The following PALMD variants were observed in gnomAD, a reference collection of about 807,000 sequenced individuals.
PALMD encodes the protein paralemmin-like protein.
Under a neutral mutation model 56.2 loss-of-function variants are expected in PALMD, and 42 were observed. The observed-to-expected ratio is 0.75, with a 90% CI of 0.58 to 0.97. The LOEUF is 0.97. Among genes scored for constraint, PALMD ranks in the 50% least tolerant of loss-of-function variants. The pLI, the probability that PALMD is intolerant of heterozygous loss-of-function variation, is 0.00. For synonymous variants in PALMD, 242 were observed against 222.9 expected (o/e 1.09, Z -0.76); for missense variants, 660 against 643.8 (o/e 1.03, Z -0.27).
In PALMD at chr1:99,694,301, AT is replaced by A. The variant is rs1387008771; in HGVS notation, c.*245del. ...CACGATTCAGTGGGGGAAAACCAGC[AT>A]TTTTTATTCTATTGATACCAAAGCA... On this transcript the variant is annotated 3_prime_UTR_variant, in exon 8 of 8. Coordinates refer to ENST00000263174, the MANE Select transcript of PALMD (RefSeq NM_017734.5). The A allele has an allele frequency of 8.0e-6, 3 of 376,902 alleles. No individual in the cohort carries two copies. Among genetic ancestry groups the A allele is most frequent in the Non-Finnish European group, 1.5e-5 (3 of 205,956 alleles). 23.3% of individuals were successfully genotyped at this position (376,902 alleles called of 1,614,324 possible).
chr1:99,646,472 A>C, intron 1 of PALMD, 110 bp downstream of exon 1: 1 of 813,632 alleles, frequency 1.2e-6, no homozygotes, highest in South Asian at 1.4e-5. Context: ...CAGAACTGTC[A>C]GCCTTCATGG....
intron 3 of PALMD, among the ~76,000 whole-genome samples, chr1:99,674,788 C>A (rs1653165689): frequency 6.6e-6 from 1 of 152,186 alleles, no homozygotes; most frequent in South Asian, 2.1e-4. Context: ...AAAGGAGCAA[C>A]TGAACAATCC....
chr1:99,662,576 A>G (rs373896939), intron 2 of PALMD, among the ~76,000 whole-genome samples, 177 bp downstream of exon 2: 1 of 152,188 alleles, frequency 6.6e-6, no homozygotes. Flanking sequence ...TGAGATTAAT[A>G]CCTTCTAGCA....
chr1:99,661,392 C>T (rs902422772), intron 1 of PALMD, among the ~76,000 whole-genome samples: 1 of 152,124 alleles, frequency 6.6e-6, no homozygotes, highest in Non-Finnish European at 1.5e-5. Context: ...ATGTGATTAA[C>T]AAGTTATATA....
At chr1:99,651,708 A>G (rs952007941) in intron 1 of PALMD, among the ~76,000 whole-genome samples, 4 of 152,258 alleles carry the variant, frequency 2.6e-5, no homozygotes, top group Admixed American at 6.5e-5. Context: ...ACCCTGTGGC[A>G]TGCACATTTT....
chr1:99,655,813 C>G (rs1461050628), intron 1 of PALMD, among the ~76,000 whole-genome samples: 4 of 152,072 alleles, frequency 2.6e-5, no homozygotes, highest in Non-Finnish European at 5.9e-5. Flanking sequence ...TCTCCTTAAT[C>G]AAAAATATGA....
chr1:99,665,959 T>C (rs1224661242), intron 2 of PALMD, among the ~76,000 whole-genome samples: 2 of 152,164 alleles, frequency 1.3e-5, no homozygotes, highest in East Asian at 3.8e-4. Flanking sequence ...AACACTGGGG[T>C]AAAGAATCTC....
At chr1:99,651,147 C>T (rs1041069615) in intron 1 of PALMD, among the ~76,000 whole-genome samples, 2 of 150,888 alleles carry the variant, frequency 1.3e-5, no homozygotes, top group African/African-American at 4.9e-5. Flanking sequence ...ACAATGAAAC[C>T]TCAGCACAAT....
intron 1 of PALMD, among the ~76,000 whole-genome samples, chr1:99,650,640 G>T (rs1652559979): frequency 6.6e-6 from 1 of 152,144 alleles, no homozygotes; most frequent in Admixed American, 6.5e-5. Context: ...TGTGTGATTT[G>T]TGGGGCCCAA....
intron 2 of PALMD, among the ~76,000 whole-genome samples, chr1:99,664,329 T>C (rs1297547641): frequency 6.6e-6 from 1 of 152,204 alleles, no homozygotes; most frequent in Non-Finnish European, 1.5e-5. Flanking sequence ...AGGTATGGGA[T>C]TCAAGCTGAG....
intron 2 of PALMD, among the ~76,000 whole-genome samples, chr1:99,663,719 G>C (rs1176722931): frequency 6.6e-6 from 1 of 152,012 alleles, no homozygotes; most frequent in African/African-American, 2.4e-5. Context: ...TTGCAGAATG[G>C]GTAGCCACAA....
intron 3 of PALMD, among the ~76,000 whole-genome samples, chr1:99,675,292 A>G (rs1653175459): frequency 6.6e-6 from 1 of 152,230 alleles, no homozygotes; most frequent in Non-Finnish European, 1.5e-5. Context: ...TTCTGAAAGG[A>G]AAGAGTCACT....
At position 99,662,472 on chromosome 1, in the gene PALMD, T is replaced by TA. The variant is rs1220906176; in HGVS notation, c.126+79dup. On this transcript the variant is annotated intron_variant, in intron 2 of 7. Transcript: ENST00000263174. ...TCTATTGGTACTCAAATTTCAATAG[T>TA]AAAAAAGCTTTAGGAAAGAAAAAAA... is the stretch of plus-strand genomic sequence containing the variant. 6 of 914,520 alleles carry TA rather than the reference T, an allele frequency of 6.6e-6. No homozygotes were observed. The East Asian group carries it at 7.4e-5, about 11-fold the overall frequency. The allele number at this position is 914,520 out of a possible 1,614,324, so 56.7% of individuals were successfully genotyped here.
chr1:99,672,464 T>C (rs752011169), intron 3 of PALMD, among the ~76,000 whole-genome samples: 1 of 152,178 alleles, frequency 6.6e-6, no homozygotes, highest in East Asian at 1.9e-4. Context: ...TGTGCACAAA[T>C]TTATACCTGG....
intron 3 of PALMD, 122 bp downstream of exon 3, chr1:99,667,888 T>C (rs1653003229): frequency 2.0e-6 from 2 of 1,005,724 alleles, no homozygotes; most frequent in Admixed American, 4.5e-5. Context: ...ATTTCTTTTT[T>C]TTTTTTTTAA....
chr1:99,652,654 AG>A (rs1652614866), intron 1 of PALMD, among the ~76,000 whole-genome samples: 1 of 127,138 alleles, frequency 7.9e-6, no homozygotes. Context: ...GAAAAAAGAA[AG>A]AAAAGAAAGG....
chr1:99,670,464 A>C (rs1653058867), intron 3 of PALMD, among the ~76,000 whole-genome samples: 1 of 152,206 alleles, frequency 6.6e-6, no homozygotes, highest in South Asian at 2.1e-4. Flanking sequence ...AAAGTGACTT[A>C]ATTAAGGCCA....
At chr1:99,690,685 C>T (rs1276326782) in intron 7 of PALMD, among the ~76,000 whole-genome samples, 1 of 151,994 alleles carries the variant, frequency 6.6e-6, no homozygotes, top group African/African-American at 2.4e-5. Flanking sequence ...AAGAACCTAA[C>T]AAAATCAGTT....
intron 1 of PALMD, among the ~76,000 whole-genome samples, chr1:99,660,954 G>A (rs1338959127): frequency 1.3e-5 from 2 of 152,148 alleles, no homozygotes; most frequent in African/African-American, 4.8e-5. Context: ...GAGAAACACA[G>A]CATACAGTTG....
Sources: allele counts gnomAD v4.1 joint callset (sites outside exome capture counted in the v4.1 genomes callset), GRCh38; gene constraint gnomAD v4.1.1; transcripts MANE v1.5; gene names NCBI Gene and HGNC (gene_info 2026-07-23, HGNC 2026-07-21).